Variants in HBS1L observed in about 807,000 individuals in gnomAD.
HBS1L encodes the protein HBS1 like translational GTPase.
In HBS1L, 55 loss-of-function variants were observed where a neutral mutation model predicts 88.9. The observed-to-expected ratio is 0.62, with a 90% confidence interval of 0.50 to 0.77. The LOEUF (loss-of-function observed/expected upper bound fraction) is 0.77, where lower values mean the gene tolerates loss of function less well. Ranked by LOEUF, HBS1L falls within the 30% of genes least tolerant of loss-of-function variation. HBS1L has a pLI of 0.00. For synonymous variants in HBS1L, 267 were observed against 288.5 expected, an observed-to-expected ratio of 0.93 and a Z score of 0.76; for missense variants, 741 against 829.3, an observed-to-expected ratio of 0.89 and a Z score of 1.31.
intron 15 of HBS1L, among the ~76,000 whole-genome samples, chr6:134,974,388 C>A (rs1774582608): frequency 1.3e-5 from 2 of 152,094 alleles, no homozygotes; most frequent in South Asian, 4.1e-4. Context: ...AAGAGAGAAT[C>A]TTCTCTAACT....
chr6:134,973,567 G>A, intron 15 of HBS1L, among the ~76,000 whole-genome samples: 1 of 152,210 alleles, frequency 6.6e-6, no homozygotes, highest in East Asian at 1.9e-4. Flanking sequence ...TATAATCCCA[G>A]CACTTTGGGA....
intron 16 of HBS1L, among the ~76,000 whole-genome samples, chr6:134,968,728 T>G (rs1273770413): frequency 6.7e-6 from 1 of 149,638 alleles, no homozygotes; most frequent in Non-Finnish European, 1.5e-5. Context: ...TCACCTCAAC[T>G]TAAGGCTCCA....
chr6:135,005,670 G>T (rs1222636750), intron 4 of HBS1L, among the ~76,000 whole-genome samples: 1 of 152,190 alleles, frequency 6.6e-6, no homozygotes, highest in African/African-American at 2.4e-5. Flanking sequence ...AGGTTTAGTT[G>T]AATAAATTAC....
chr6:135,053,967 T>TGTAA (rs1239157261), intron 1 of HBS1L, among the ~76,000 whole-genome samples: 2 of 152,248 alleles, frequency 1.3e-5, no homozygotes, highest in African/African-American at 2.4e-5. Flanking sequence ...TTTCCTCTAG[T>TGTAA]ACTGCCGTTT....
chr6:135,039,421 T>C (rs1367093278), intron 4 of HBS1L, 152 bp downstream of exon 4: 2 of 646,500 alleles, frequency 3.1e-6, no homozygotes, highest in African/African-American at 1.9e-5. Flanking sequence ...AATCCACAAC[T>C]AGATCAACTG....
intron 1 of HBS1L, among the ~76,000 whole-genome samples, chr6:135,053,337 A>G (rs1003172022): frequency 6.6e-6 from 1 of 152,142 alleles, no homozygotes. Flanking sequence ...ACCACCCTCA[A>G]ATATCTTACT....
chr6:134,979,340 G>C (rs749875353), intron 13 of HBS1L, 72 bp from the exon 14 acceptor site: 2 of 1,130,894 alleles, frequency 1.8e-6, no homozygotes, highest in Non-Finnish European at 2.7e-6. Context: ...AACAGAGTTT[G>C]GCTGATTTGT....
intron 16 of HBS1L, among the ~76,000 whole-genome samples, chr6:134,968,752 C>CAA (rs34140771): frequency 1.7e-4 from 15 of 89,322 alleles, no homozygotes; most frequent in Non-Finnish European, 2.6e-4. Context: ...GGACTTTGAG[C>CAA]AAAAAAAAAA....
At chr6:134,986,292 T>C (rs1308180626) in intron 10 of HBS1L, 109 bp from the exon 11 acceptor site, 1 of 656,320 alleles carries the variant, frequency 1.5e-6, no homozygotes, top group Non-Finnish European at 2.7e-6. Context: ...ATGTACTTTT[T>C]AAAACATAAT....
rs1286768517 is a variant in HBS1L at position 135,037,116 on chromosome 6, T to C, written c.430+2457A>G. ...CAGAAAGTGACAAATTCTCAAGGTC[T>C]CTTGTGGGAGAAGCTTTATGAAATG... On this transcript the variant is annotated intron_variant, in intron 4 of 17. Transcript: ENST00000367837. 1.9e-6 allele frequency: 3 copies of C among 1,551,466 alleles called. No homozygotes were observed. In the Admixed American group the frequency reaches 5.9e-5, roughly 30 times the overall value.
intron 4 of HBS1L, among the ~76,000 whole-genome samples, chr6:135,020,789 A>G (rs1776051011): frequency 6.6e-6 from 1 of 151,974 alleles, no homozygotes; most frequent in Non-Finnish European, 1.5e-5. Context: ...TTAAGTTCCT[A>G]TAATAACCAG....
rs150038672 is a variant in HBS1L, at chr6:134,971,356, G to T, written c.1798-2018C>A. ...AGTCTAAATATCTAAGAAACATTTCGTTTGTAACAAACAACTGAGGTAAAC... is the reference window on the plus strand; with the variant it reads ...AGTCTAAATATCTAAGAAACATTTCTTTTGTAACAAACAACTGAGGTAAAC... On this transcript the variant is annotated intron_variant, in intron 15 of 17. Transcript: ENST00000367837. Among the ~76,000 whole-genome samples, 836 of 152,212 alleles carry T rather than the reference G, an allele frequency of 5.5e-3. 8 individuals are homozygous for T. Among genetic ancestry groups the T allele is most frequent in the African/African-American group, 0.017 (703 of 41,540 alleles).
chr6:135,028,137 A>G (rs1050854135), intron 4 of HBS1L, among the ~76,000 whole-genome samples: 3 of 152,174 alleles, frequency 2.0e-5, no homozygotes, highest in Non-Finnish European at 2.9e-5. Flanking sequence ...GGAAATGAAA[A>G]GCAAAAAACA....
chr6:134,998,713 T>A (rs1350834194), intron 5 of HBS1L, among the ~76,000 whole-genome samples: 1 of 152,226 alleles, frequency 6.6e-6, no homozygotes, highest in African/African-American at 2.4e-5. Flanking sequence ...TGTCAGGGCA[T>A]TTTTATATGC....
intron 8 of HBS1L, among the ~76,000 whole-genome samples, chr6:134,990,091 C>A (rs1303092692): frequency 1.3e-5 from 2 of 151,900 alleles, no homozygotes. Context: ...TTATATTTAC[C>A]TTCTTAGGTT....
At chr6:135,021,323 A>C (rs1416553295) in intron 4 of HBS1L, among the ~76,000 whole-genome samples, 1 of 152,080 alleles carries the variant, frequency 6.6e-6, no homozygotes, top group African/African-American at 2.4e-5. Flanking sequence ...ATTGGTTCTC[A>C]ATAAACAATA....
At position 134,993,826 on chromosome 6, in the gene HBS1L, C is replaced by T. The variant is rs1775214157; in HGVS notation, c.1015G>A (p.Val339Ile). ...GMTKFETTTK[V>I]ITLMDAPGHK... Reference sequence around the variant, plus strand: ...CCTGGAGCATCCATTAATGTAATAACTTTGGTTGTGGTTTCAAACTTTGTC... The same window carrying T: ...CCTGGAGCATCCATTAATGTAATAATTTTGGTTGTGGTTTCAAACTTTGTC... Residue 339 changes from valine to isoleucine, a missense_variant, in exon 8 of 18, where the codon GTT (valine) becomes ATT (isoleucine). By Grantham distance (29) the Val-to-Ile change is conservative. Coordinates refer to ENST00000367837, the MANE Select transcript of HBS1L (RefSeq NM_006620.4). The T allele has an allele frequency of 6.2e-7, 1 of 1,606,630 alleles. No homozygotes were observed. Among genetic ancestry groups the T allele is most frequent in the Non-Finnish European group, 8.5e-7 (1 of 1,175,148 alleles).
At chr6:135,047,350 C>T (rs1048833087) in intron 2 of HBS1L, among the ~76,000 whole-genome samples, 1 of 152,194 alleles carries the variant, frequency 6.6e-6, no homozygotes, top group Non-Finnish European at 1.5e-5. Context: ...AAAGATTCCA[C>T]GCTTATACAA....
intron 4 of HBS1L, among the ~76,000 whole-genome samples, chr6:135,017,435 T>C (rs1022630270): frequency 2.0e-5 from 3 of 152,168 alleles, no homozygotes; most frequent in African/African-American, 7.2e-5. Context: ...AAGGGAGAAT[T>C]TTTAAAAGTA....
Sources: gnomAD v4.1 joint callset for allele counts (sites outside exome capture counted in the v4.1 genomes callset) on GRCh38, gnomAD v4.1.1 for gene constraint, MANE v1.5 for transcripts, NCBI Gene and HGNC (gene_info 2026-07-23, HGNC 2026-07-21) for gene names.